Variants in HS6ST3 observed in about 807,000 individuals in gnomAD.
HS6ST3 encodes heparan sulfate 6-O-sulfotransferase 3.
HS6ST3 carries 12 observed loss-of-function variants against 36.7 expected under a neutral mutation model. The ratio of observed to expected loss-of-function variants is 0.33; its 90% CI spans 0.21 to 0.53. The LOEUF (loss-of-function observed/expected upper bound fraction) is 0.53, where lower values mean the gene tolerates loss of function less well. Among genes scored for constraint, HS6ST3 ranks in the 20% least tolerant of loss-of-function variants. The pLI is 0.95. For synonymous variants in HS6ST3, 240 were observed against 257.5 expected, an observed-to-expected ratio of 0.93 and a Z score of 0.65; for missense variants, 584 against 640.9, an observed-to-expected ratio of 0.91 and a Z score of 0.96.
chr13:96,094,474 G>A (rs890066607), intron 1 of HS6ST3, among the ~76,000 whole-genome samples: 1 of 152,116 alleles, frequency 6.6e-6, no homozygotes, highest in Non-Finnish European at 1.5e-5. Context: ...AAGCATCCTA[G>A]GTTGCAAACT....
intron 1 of HS6ST3, among the ~76,000 whole-genome samples, chr13:96,637,498 C>G (rs1029222954): frequency 3.3e-5 from 5 of 152,098 alleles, no homozygotes; most frequent in African/African-American, 1.2e-4. Flanking sequence ...GCTTGTTCTG[C>G]TGATGAATTG....
At chr13:96,620,565 T>C (rs1031913906) in intron 1 of HS6ST3, among the ~76,000 whole-genome samples, 3 of 152,174 alleles carry the variant, frequency 2.0e-5, no homozygotes, top group Non-Finnish European at 4.4e-5. Flanking sequence ...AGAGGACAAA[T>C]GGGATTTCTT....
intron 1 of HS6ST3, among the ~76,000 whole-genome samples, chr13:96,763,526 T>C (rs920161014): frequency 1.3e-5 from 2 of 150,650 alleles, no homozygotes; most frequent in African/African-American, 2.4e-5. Context: ...GTGTAACTGA[T>C]TTAATGAATT....
At chr13:96,092,522 G>T (rs1421886820) in intron 1 of HS6ST3, among the ~76,000 whole-genome samples, 1 of 152,198 alleles carries the variant, frequency 6.6e-6, no homozygotes, top group Non-Finnish European at 1.5e-5. Flanking sequence ...GCAATTTGAA[G>T]ATTAATCTGA....
intron 1 of HS6ST3, among the ~76,000 whole-genome samples, chr13:96,517,128 C>A (rs1177137710): frequency 1.3e-5 from 2 of 152,046 alleles, no homozygotes; most frequent in African/African-American, 4.8e-5. Context: ...CCTGTAATCC[C>A]AGCACTTTGG....
chr13:96,333,244 C>A (rs1478842974), intron 1 of HS6ST3, among the ~76,000 whole-genome samples: 1 of 152,214 alleles, frequency 6.6e-6, no homozygotes, highest in Non-Finnish European at 1.5e-5. Flanking sequence ...AGAACCATAA[C>A]TGCATATTAT....
At chr13:96,736,864 A>C (rs186120578) in intron 1 of HS6ST3, among the ~76,000 whole-genome samples, 134 of 152,324 alleles carry the variant, frequency 8.8e-4, no homozygotes, top group African/African-American at 3.1e-3. Flanking sequence ...ACATGGAGAC[A>C]ATAAGAAAAT....
At chr13:96,823,299 G>A (rs772630077) in intron 1 of HS6ST3, among the ~76,000 whole-genome samples, 3 of 152,170 alleles carry the variant, frequency 2.0e-5, no homozygotes, top group Non-Finnish European at 2.9e-5. Flanking sequence ...GGCTTAGAAT[G>A]TTCATCAGAT....
rs140303565 is a variant in HS6ST3 at position 96,115,815 on chromosome 13, C to T, written c.707+24246C>T. Among the ~76,000 whole-genome samples the T allele has an allele frequency of 1.5e-3, 226 of 152,278 alleles. 4 individuals carry two copies. The East Asian group carries it at 0.039, about 26-fold the overall frequency. On this transcript the variant is annotated intron_variant, in intron 1 of 1. Transcript: ENST00000376705. ...TTCTGGTTCTGGATCCTTGAGGAAT[C>T]GCCATACTGTCTTCCACAACGGTTG...
At chr13:96,137,058 C>A (rs1456428551) in intron 1 of HS6ST3, among the ~76,000 whole-genome samples, 1 of 152,120 alleles carries the variant, frequency 6.6e-6, no homozygotes, top group Non-Finnish European at 1.5e-5. Context: ...TGATGAAATG[C>A]ACAATCTCAA....
chr13:96,335,537 C>G (rs534342993), intron 1 of HS6ST3, among the ~76,000 whole-genome samples: 1 of 152,274 alleles, frequency 6.6e-6, no homozygotes, highest in East Asian at 1.9e-4. Context: ...GTAAATAGGA[C>G]TCTACTTACT....
intron 1 of HS6ST3, among the ~76,000 whole-genome samples, chr13:96,585,377 T>A (rs2056357152): frequency 6.6e-6 from 1 of 152,174 alleles, no homozygotes; most frequent in African/African-American, 2.4e-5. Context: ...ATTATATGCA[T>A]TTACTGAGCA....
At chr13:96,151,833 T>C (rs1425364441) in intron 1 of HS6ST3, among the ~76,000 whole-genome samples, 1 of 152,204 alleles carries the variant, frequency 6.6e-6, no homozygotes, top group Non-Finnish European at 1.5e-5. Flanking sequence ...TAGTCTTCCC[T>C]CTGCATGTCT....
At chr13:96,312,026 C>T (rs997772721) in intron 1 of HS6ST3, among the ~76,000 whole-genome samples, 43 of 151,968 alleles carry the variant, frequency 2.8e-4, no homozygotes, top group African/African-American at 1.0e-3. Context: ...GATACAATGT[C>T]TTCCCCCTCC....
At chr13:96,719,850 C>T (rs1418338379) in intron 1 of HS6ST3, among the ~76,000 whole-genome samples, 1 of 152,206 alleles carries the variant, frequency 6.6e-6, no homozygotes, top group Non-Finnish European at 1.5e-5. Context: ...TCTTGACTGC[C>T]TTGAGAGCCC....
chr13:96,122,704 T>G (rs1391103419), intron 1 of HS6ST3, among the ~76,000 whole-genome samples: 2 of 152,198 alleles, frequency 1.3e-5, no homozygotes, highest in Non-Finnish European at 2.9e-5. Context: ...AATGCTGGGT[T>G]ATACAATGTT....
chr13:96,471,543 T>A (rs908544156), intron 1 of HS6ST3, among the ~76,000 whole-genome samples: 1 of 151,862 alleles, frequency 6.6e-6, no homozygotes, highest in Non-Finnish European at 1.5e-5. Flanking sequence ...CAGTGAATGA[T>A]TGAGCAGCTG....
chr13:96,272,782 C>A (rs2054727629), intron 1 of HS6ST3, among the ~76,000 whole-genome samples: 1 of 151,844 alleles, frequency 6.6e-6, no homozygotes, highest in Admixed American at 6.6e-5. Context: ...GTAGGTCTTA[C>A]CAGGTGAGTG....
intron 1 of HS6ST3, among the ~76,000 whole-genome samples, chr13:96,312,522 C>T (rs1419464526): frequency 6.6e-6 from 1 of 152,048 alleles, no homozygotes; most frequent in Non-Finnish European, 1.5e-5. Context: ...TGTTCTCTGT[C>T]ATCAGTTGGT....
Sources: allele counts gnomAD v4.1 joint callset (sites outside exome capture counted in the v4.1 genomes callset), GRCh38; gene constraint gnomAD v4.1.1; transcripts MANE v1.5; gene names NCBI Gene and HGNC (gene_info 2026-07-23, HGNC 2026-07-21).